EGFR: variants seen among roughly 807,000 people sequenced by gnomAD.
The protein encoded by EGFR is avian erythroblastic leukemia viral (v-erb-b) oncogene homolog.
EGFR carries 58 observed loss-of-function variants against 143.0 expected under a neutral mutation model. That is an observed-to-expected ratio of 0.41 (90% confidence interval 0.33 to 0.50). The LOEUF is 0.50. Ranked by LOEUF, EGFR falls within the 20% of genes least tolerant of loss-of-function variation. The pLI is 0.39. For missense variants in EGFR, 1,307 were observed against 1,579.0 expected, an observed-to-expected ratio of 0.83 and a Z score of 2.92; for synonymous variants, 613 against 594.4, an observed-to-expected ratio of 1.03 and a Z score of -0.45.
intron 1 of EGFR, among the ~76,000 whole-genome samples, chr7:55,123,099 T>C (rs1005462385): frequency 6.6e-6 from 1 of 152,236 alleles, no homozygotes; most frequent in African/African-American, 2.4e-5. Flanking sequence ...CAGGAATTCT[T>C]TTTTTGTCTA....
chr7:55,132,731 G>T (rs1029719936), intron 1 of EGFR, among the ~76,000 whole-genome samples: 3 of 152,202 alleles, frequency 2.0e-5, no homozygotes, highest in Non-Finnish European at 4.4e-5. Context: ...TCCTGTGACT[G>T]TTTCATGTGT....
intron 20 of EGFR, among the ~76,000 whole-genome samples, chr7:55,186,777 A>G (rs1167310927): frequency 6.6e-6 from 1 of 152,192 alleles, no homozygotes; most frequent in African/African-American, 2.4e-5. Flanking sequence ...TTATCTCCCC[A>G]AGTTTGCCAA....
intron 15 of EGFR, among the ~76,000 whole-genome samples, chr7:55,166,588 G>A (rs1785992480): frequency 6.6e-6 from 1 of 152,166 alleles, no homozygotes; most frequent in Non-Finnish European, 1.5e-5. Context: ...GGAGGTGGGA[G>A]TCACAATGGT....
chr7:55,108,688 A>T (rs749374108), intron 1 of EGFR, among the ~76,000 whole-genome samples: 1 of 152,212 alleles, frequency 6.6e-6, no homozygotes, highest in Non-Finnish European at 1.5e-5. Flanking sequence ...TTCTCAAAGT[A>T]TAGTCACTCC....
chr7:55,207,093 G>T lies in EGFR; in HGVS notation c.*1476G>T, dbSNP rs1009979930. On this transcript the variant is annotated 3_prime_UTR_variant, in exon 28 of 28. Transcript: ENST00000275493. The stretch of plus-strand genomic sequence containing the variant: ...CCTGTAACCTGACTGGTTAACAGCA[G>T]TCCTTTGTAAACAGTGTTTTAAACT... 5 of 232,736 alleles carry T rather than the reference G, an allele frequency of 2.1e-5. No homozygotes were observed. The highest frequency in any genetic ancestry group is 1.1e-4 in the African/African-American group (5 of 45,306). The allele number at this position is 232,736 out of a possible 1,614,324, so 14.4% of individuals were successfully genotyped here. A position where few individuals can be genotyped will look rare whatever the true frequency, so the allele number is the denominator to read the frequency against.
At chr7:55,128,464 T>C (rs1311320827) in intron 1 of EGFR, among the ~76,000 whole-genome samples, 1 of 152,136 alleles carries the variant, frequency 6.6e-6, no homozygotes, top group Admixed American at 6.5e-5. Flanking sequence ...AAGAAGAGAA[T>C]CACAAAACAT....
chr7:55,094,694 A>G (rs1791338046), intron 1 of EGFR, among the ~76,000 whole-genome samples: 1 of 152,234 alleles, frequency 6.6e-6, no homozygotes, highest in Admixed American at 6.5e-5. Flanking sequence ...GACATCACAG[A>G]TCCACTTTGA....
intron 1 of EGFR, among the ~76,000 whole-genome samples, chr7:55,060,142 C>G (rs1046886297): frequency 6.6e-6 from 1 of 152,222 alleles, no homozygotes; most frequent in Non-Finnish European, 1.5e-5. Flanking sequence ...TAATTTATTT[C>G]TGTCACTCTG....
intron 3 of EGFR, among the ~76,000 whole-genome samples, chr7:55,143,789 G>T (rs1022779779): frequency 6.6e-6 from 1 of 152,204 alleles, no homozygotes; most frequent in African/African-American, 2.4e-5. Context: ...AACAAGCTGA[G>T]CAGGAATCGT....
intron 1 of EGFR, among the ~76,000 whole-genome samples, chr7:55,069,672 C>T (rs1435924479): frequency 6.6e-6 from 1 of 152,222 alleles, no homozygotes; most frequent in African/African-American, 2.4e-5. Flanking sequence ...TCCATTCTCC[C>T]AACTTCAGGT....
intron 1 of EGFR, among the ~76,000 whole-genome samples, chr7:55,050,243 T>C (rs1788411706): frequency 6.6e-6 from 1 of 152,194 alleles, no homozygotes; most frequent in Non-Finnish European, 1.5e-5. Context: ...GCAATGGCTC[T>C]GTTTTCCTCC....
chr7:55,152,762 T>G, intron 6 of EGFR, 98 bp downstream of exon 6: 2 of 1,000,062 alleles, frequency 2.0e-6, no homozygotes, highest in Non-Finnish European at 3.1e-6. Flanking sequence ...AGCTGTCAAT[T>G]AGCATTTGTC....
chr7:55,203,197 C>A (rs1249324562), intron 27 of EGFR: 1 of 232,420 alleles, frequency 4.3e-6, no homozygotes, highest in Non-Finnish European at 8.4e-6. Flanking sequence ...CACATGCACA[C>A]ACATATACAC....
In EGFR at chr7:55,045,882, T is replaced by C. The variant is rs981460950; in HGVS notation, c.88+26517T>C. ...CATATGGTTAGTCCAAACTAAGATG[T>C]GTTGTGAGTCTCAAATACACACTGG... On this transcript the variant is annotated intron_variant, in intron 1 of 27. Coordinates refer to ENST00000275493, the MANE Select transcript of EGFR (RefSeq NM_005228.5). Among the ~76,000 whole-genome samples the C allele has an allele frequency of 4.6e-5, 7 of 152,332 alleles. No individual in the cohort carries two copies. The East Asian group carries it at 1.3e-3, about 29-fold the overall frequency.
intron 1 of EGFR, among the ~76,000 whole-genome samples, chr7:55,108,796 T>A (rs1248299062): frequency 6.6e-6 from 1 of 152,190 alleles, no homozygotes; most frequent in Non-Finnish European, 1.5e-5. Flanking sequence ...GGTGGCAGAA[T>A]AAGAGGCAAT....
chr7:55,127,235 C>A (rs993802538), intron 1 of EGFR, among the ~76,000 whole-genome samples: 11 of 152,292 alleles, frequency 7.2e-5, no homozygotes, highest in African/African-American at 2.6e-4. Context: ...ATAATTCTGT[C>A]ACAAAGATCT....
chr7:55,191,432 G>T (rs1384769738), intron 20 of EGFR, among the ~76,000 whole-genome samples: 1 of 151,850 alleles, frequency 6.6e-6, no homozygotes, highest in African/African-American at 2.4e-5. Flanking sequence ...TTCAAGCCCA[G>T]GTCTCAACTG....
intron 1 of EGFR, among the ~76,000 whole-genome samples, chr7:55,114,662 G>A (rs1409435387): frequency 6.6e-6 from 1 of 151,762 alleles, no homozygotes; most frequent in East Asian, 1.9e-4. Flanking sequence ...TTTATAACAA[G>A]GAACCTTTGG....
intron 1 of EGFR, among the ~76,000 whole-genome samples, chr7:55,123,384 C>A (rs544366749): frequency 6.6e-6 from 1 of 152,266 alleles, no homozygotes; most frequent in African/African-American, 2.4e-5. Context: ...ATTGATATAT[C>A]ATTCCTTTTA....
Sources: allele counts gnomAD v4.1 joint callset (sites outside exome capture counted in the v4.1 genomes callset), GRCh38; gene constraint gnomAD v4.1.1; transcripts MANE v1.5; gene names NCBI Gene and HGNC (gene_info 2026-07-23, HGNC 2026-07-21).